The following ZNF277 variants were observed in gnomAD, a reference collection of about 807,000 sequenced individuals.
ZNF277 encodes the protein zinc finger protein 277, also known as nuclear receptor-interacting factor 4.
In ZNF277, 55 loss-of-function variants were observed where a neutral mutation model predicts 60.7. The ratio of observed to expected loss-of-function variants is 0.91; its 90% CI spans 0.73 to 1.13. The LOEUF is 1.13. Ranked by LOEUF, ZNF277 falls within the 50% of genes most tolerant of loss-of-function variation. The pLI, the probability that ZNF277 is intolerant of heterozygous loss-of-function variation, is 0.00. For missense variants in ZNF277, 510 were observed against 523.0 expected (o/e 0.98, Z 0.24); for synonymous variants, 178 against 179.3 (o/e 0.99, Z 0.06).
At chr7:112,324,049 C>A (rs532875783) in intron 5 of ZNF277, among the ~76,000 whole-genome samples, 7 of 152,264 alleles carry the variant, frequency 4.6e-5, no homozygotes, top group African/African-American at 1.4e-4. Context: ...TTATTACATG[C>A]TTTTAAGGAC....
chr7:112,312,347 G>T (rs1487865419), intron 4 of ZNF277, among the ~76,000 whole-genome samples: 1 of 152,070 alleles, frequency 6.6e-6, no homozygotes, highest in East Asian at 1.9e-4. Context: ...TTGAGTAGAG[G>T]TTAGGGAGGA....
intron 1 of ZNF277, among the ~76,000 whole-genome samples, chr7:112,278,326 G>A (rs768501695): frequency 5.3e-4 from 81 of 152,058 alleles, no homozygotes; most frequent in Non-Finnish European, 9.0e-4. Context: ...ACCTAACCTC[G>A]GCTTCACTCT....
rs969589874 is a variant in ZNF277 at position 112,296,282 on chromosome 7, C to T, written c.436C>T (p.Leu146Phe). 1.0e-5 allele frequency: 16 copies of T among 1,590,782 alleles called. No homozygotes were observed. The Admixed American group carries it at 2.4e-4, about 24-fold the overall frequency. The change falls in exon 4 of 12, where the codon CTT (leucine) becomes TTT (phenylalanine). Residue 146 changes from leucine to phenylalanine, a missense_variant. Transcript: ENST00000361822. ...TGACGTTTTACCAGAAGATAGAATT[C>T]TTAGAGAAGAGCTTCAGAAACAGAG... ...LCDVLPEDRILREELQKQRLR... is the reference protein window; with the variant it reads ...LCDVLPEDRIFREELQKQRLR...
intron 5 of ZNF277, among the ~76,000 whole-genome samples, chr7:112,318,567 C>T (rs1792896946): frequency 6.6e-6 from 1 of 152,078 alleles, no homozygotes; most frequent in South Asian, 2.1e-4. Flanking sequence ...AGATGCACCT[C>T]TGTATACTAA....
At chr7:112,317,178 A>G (rs1296135447) in intron 4 of ZNF277, among the ~76,000 whole-genome samples, 6 of 152,096 alleles carry the variant, frequency 3.9e-5, no homozygotes, top group African/African-American at 1.4e-4. Flanking sequence ...AAGGGATAAT[A>G]TTAGGAGAAA....
intron 1 of ZNF277, among the ~76,000 whole-genome samples, chr7:112,269,209 T>TG (rs1491559469): frequency 5.3e-5 from 3 of 56,298 alleles, no homozygotes; most frequent in African/African-American, 1.5e-4. Context: ...GGATTTTTTT[T>TG]GTTTTTTTTT....
intron 5 of ZNF277, among the ~76,000 whole-genome samples, chr7:112,324,350 T>G (rs1584411443): frequency 6.6e-6 from 1 of 152,204 alleles, no homozygotes; most frequent in Admixed American, 6.5e-5. Flanking sequence ...GTTAGTTCAT[T>G]AATAATAAAA....
At chr7:112,276,647 T>C (rs1791800413) in intron 1 of ZNF277, among the ~76,000 whole-genome samples, 1 of 152,180 alleles carries the variant, frequency 6.6e-6, no homozygotes. Flanking sequence ...TTAATTATAG[T>C]AAATTATAGA....
chr7:112,319,648 T>TA (rs1397086711), intron 5 of ZNF277, among the ~76,000 whole-genome samples: 18 of 147,618 alleles, frequency 1.2e-4, no homozygotes, highest in African/African-American at 3.9e-4. Context: ...TTATAATTTA[T>TA]AAATTATATA....
chr7:112,224,607 A>AT (rs1474371822), intron 1 of ZNF277, among the ~76,000 whole-genome samples: 3 of 152,076 alleles, frequency 2.0e-5, no homozygotes, highest in East Asian at 1.9e-4. Flanking sequence ...GATGGCAAGA[A>AT]TTTTTTTCAG....
rs1473011103 is a variant in ZNF277 at position 112,337,835 on chromosome 7, C to T, written c.966+9C>T. The T allele has an allele frequency of 6.2e-7, 1 of 1,603,636 alleles. No homozygotes were observed. Among genetic ancestry groups the T allele is most frequent in the East Asian group, 2.2e-5 (1 of 44,764 alleles). On this transcript the variant is annotated intron_variant, in intron 9 of 11. Transcript: ENST00000361822. ...TGTATGTCCACATGGAGGTAAGATA[C>T]CTGTATTTATTTGAATTTTGTTTTA...
chr7:112,285,002 A>AATGT (rs1319888709), intron 1 of ZNF277, among the ~76,000 whole-genome samples: 1 of 152,144 alleles, frequency 6.6e-6, no homozygotes, highest in Non-Finnish European at 1.5e-5. Flanking sequence ...TGAATGAATG[A>AATGT]ATGCTGCCCT....
At chr7:112,325,488 A>G (rs151144543) in intron 5 of ZNF277, among the ~76,000 whole-genome samples, 1 of 152,288 alleles carries the variant, frequency 6.6e-6, no homozygotes, top group Non-Finnish European at 1.5e-5. Context: ...GATGGTAGCA[A>G]TTAAGTATGT....
At chr7:112,212,934 G>A (rs937749743) in intron 1 of ZNF277, among the ~76,000 whole-genome samples, 1 of 152,094 alleles carries the variant, frequency 6.6e-6, no homozygotes, top group Non-Finnish European at 1.5e-5. Context: ...GTATACTGGG[G>A]TTGCCTCACA....
chr7:112,282,478 T>G (rs1791969435), intron 1 of ZNF277, among the ~76,000 whole-genome samples: 1 of 152,270 alleles, frequency 6.6e-6, no homozygotes, highest in Non-Finnish European at 1.5e-5. Flanking sequence ...CCTTGACTAG[T>G]GACTGGCACT....
At chr7:112,243,232 AG>A (rs1332320185) in intron 1 of ZNF277, among the ~76,000 whole-genome samples, 1 of 152,090 alleles carries the variant, frequency 6.6e-6, no homozygotes, top group African/African-American at 2.4e-5. Flanking sequence ...AAATTCTAGA[AG>A]AAAACCTAGG....
chr7:112,280,962 G>A (rs1411537366), intron 1 of ZNF277, among the ~76,000 whole-genome samples: 1 of 152,128 alleles, frequency 6.6e-6, no homozygotes, highest in African/African-American at 2.4e-5. Flanking sequence ...AGATATAAAT[G>A]TGACACTTGT....
At chr7:112,278,504 T>C (rs893675991) in intron 1 of ZNF277, among the ~76,000 whole-genome samples, 1 of 152,198 alleles carries the variant, frequency 6.6e-6, no homozygotes, top group Non-Finnish European at 1.5e-5. Flanking sequence ...AACTAACCTA[T>C]AATTGACCAT....
intron 4 of ZNF277, among the ~76,000 whole-genome samples, chr7:112,298,255 C>CT (rs1290128771): frequency 3.3e-5 from 5 of 152,062 alleles, no homozygotes; most frequent in Non-Finnish European, 2.9e-5. Flanking sequence ...ATGTAATATA[C>CT]TTAGAACACT....
Sources: allele counts gnomAD v4.1 joint callset (sites outside exome capture counted in the v4.1 genomes callset), GRCh38; gene constraint gnomAD v4.1.1; transcripts MANE v1.5; gene names NCBI Gene and HGNC (gene_info 2026-07-23, HGNC 2026-07-21).